Variants in AHI1 observed in about 807,000 individuals in gnomAD.
AHI1 encodes jouberin.
A neutral mutation model predicts 149.3 loss-of-function variants in AHI1; 123 were observed. That is an observed-to-expected ratio of 0.82 (90% CI 0.71 to 0.96). The LOEUF is 0.96. Ranked by LOEUF, AHI1 falls within the 40% of genes least tolerant of loss-of-function variation. The pLI, the probability that AHI1 is intolerant of heterozygous loss-of-function variation, is 0.00. For synonymous variants in AHI1, 475 were observed against 459.8 expected, an observed-to-expected ratio of 1.03 and a Z score of -0.42; for missense variants, 1,439 against 1,422.7, an observed-to-expected ratio of 1.01 and a Z score of -0.18.
intron 23 of AHI1, among the ~76,000 whole-genome samples, chr6:135,387,398 T>C (rs757798800): frequency 6.6e-6 from 1 of 152,224 alleles, no homozygotes; most frequent in Non-Finnish European, 1.5e-5. Context: ...CCATGCCCTG[T>C]AGATTTTGGC....
At chr6:135,385,334 A>G (rs1209520893) in intron 23 of AHI1, among the ~76,000 whole-genome samples, 2 of 152,154 alleles carry the variant, frequency 1.3e-5, no homozygotes, top group African/African-American at 2.4e-5. Flanking sequence ...CTTATAAGAC[A>G]TGGAAGAAAA....
chr6:135,349,041 G>C (rs1174719957), intron 24 of AHI1, among the ~76,000 whole-genome samples: 1 of 152,118 alleles, frequency 6.6e-6, no homozygotes, highest in African/African-American at 2.4e-5. Context: ...AAAATATCCA[G>C]ATAATAGAAA....
At chr6:135,373,467 A>T (rs1325131517) in intron 23 of AHI1, among the ~76,000 whole-genome samples, 3 of 152,222 alleles carry the variant, frequency 2.0e-5, no homozygotes, top group Non-Finnish European at 4.4e-5. Context: ...CGCCACTGTT[A>T]AGCAATGCGT....
At chr6:135,390,032 T>C (rs960750468) in intron 23 of AHI1, among the ~76,000 whole-genome samples, 2 of 152,230 alleles carry the variant, frequency 1.3e-5, no homozygotes, top group African/African-American at 4.8e-5. Flanking sequence ...TTTATTTTTT[T>C]TAAACTCATG....
At chr6:135,480,277 T>A (rs1261739746) in intron 5 of AHI1, among the ~76,000 whole-genome samples, 1 of 152,088 alleles carries the variant, frequency 6.6e-6, no homozygotes, top group East Asian at 1.9e-4. Context: ...GGCAATACAG[T>A]GAGACACTGT....
At chr6:135,301,142 T>C in intron 26 of AHI1, 1 of 984,750 alleles carries the variant, frequency 1.0e-6, no homozygotes. Flanking sequence ...ATTAACTTCA[T>C]ATTAAAGTAT....
chr6:135,303,647 A>C (rs1784174636), intron 26 of AHI1, among the ~76,000 whole-genome samples: 1 of 152,076 alleles, frequency 6.6e-6, no homozygotes, highest in South Asian at 2.1e-4. Flanking sequence ...CAGGAATTGG[A>C]GGCCCAGAGT....
At chr6:135,433,294 A>G (rs1375866028) in intron 15 of AHI1, 38 bp from the exon 16 acceptor site, 1 of 1,445,056 alleles carries the variant, frequency 6.9e-7, no homozygotes, top group Admixed American at 1.9e-5. Flanking sequence ...GCTTCTGAAA[A>G]GCAGAAGTTT....
At chr6:135,385,965 G>C (rs1453212172) in intron 23 of AHI1, among the ~76,000 whole-genome samples, 3 of 152,120 alleles carry the variant, frequency 2.0e-5, no homozygotes, top group Non-Finnish European at 4.4e-5. Flanking sequence ...TGATGTTATA[G>C]CATTTACCAA....
intron 27 of AHI1, among the ~76,000 whole-genome samples, chr6:135,299,117 A>G (rs529340749): frequency 4.8e-4 from 73 of 152,340 alleles, no homozygotes; most frequent in Non-Finnish European, 9.0e-4. Flanking sequence ...GACTGGAACT[A>G]AAAACATATC....
chr6:135,488,307 T>C (rs766825431), intron 5 of AHI1, among the ~76,000 whole-genome samples: 5 of 152,206 alleles, frequency 3.3e-5, no homozygotes, highest in Non-Finnish European at 5.9e-5. Context: ...AATATCTTTC[T>C]ATGTCCTCAT....
At chr6:135,436,359 ACAGTG>A (rs1785400879) in intron 15 of AHI1, among the ~76,000 whole-genome samples, 1 of 152,198 alleles carries the variant, frequency 6.6e-6, no homozygotes, top group Non-Finnish European at 1.5e-5. Flanking sequence ...ATCAATTACT[ACAGTG>A]AAGGCAAGCA....
chr6:135,458,259 C>T (rs1486087595), intron 8 of AHI1, among the ~76,000 whole-genome samples: 1 of 152,118 alleles, frequency 6.6e-6, no homozygotes, highest in East Asian at 1.9e-4. Flanking sequence ...GGGACATTTG[C>T]TGATTCAGGG....
At chr6:135,494,273 T>A (rs1795667274) in intron 3 of AHI1, among the ~76,000 whole-genome samples, 2 of 152,240 alleles carry the variant, frequency 1.3e-5, no homozygotes, top group African/African-American at 4.8e-5. Flanking sequence ...TTGTAAGGGT[T>A]AAATGATTTA....
intron 23 of AHI1, among the ~76,000 whole-genome samples, chr6:135,375,186 C>T (rs188304364): frequency 6.6e-6 from 1 of 151,880 alleles, no homozygotes; most frequent in East Asian, 1.9e-4. Flanking sequence ...CTCCCCAAGA[C>T]AATATATAAA....
intron 26 of AHI1, chr6:135,306,747 T>C (rs1784576299): frequency 6.6e-6 from 1 of 152,174 alleles, no homozygotes; most frequent in Non-Finnish European, 1.5e-5. Context: ...CCACCAGGCC[T>C]GGGGATTGGT....
chr6:135,422,366 A>G lies in AHI1; in HGVS notation c.2764+4801T>C, dbSNP rs1289477804. On this transcript the variant is annotated intron_variant, in intron 20 of 28. Coordinates refer to ENST00000265602, the MANE Select transcript of AHI1 (RefSeq NM_001134831.2). The stretch of plus-strand genomic sequence containing the variant: ...GTTTCTACAAAAAATACACACACGA[A>G]ATTAGTCGAGTATCCTGTGGTCCCA... Among the ~76,000 whole-genome samples the G allele has an allele frequency of 4.0e-5, 6 of 151,846 alleles. No individual in the cohort carries two copies. The East Asian group carries it at 9.7e-4, about 25-fold the overall frequency.
intron 5 of AHI1, among the ~76,000 whole-genome samples, chr6:135,476,903 T>C (rs529163094): frequency 1.3e-5 from 2 of 152,242 alleles, no homozygotes; most frequent in South Asian, 2.1e-4. Flanking sequence ...TTGGGTCTTA[T>C]TTGCCAATCT....
chr6:135,325,968 G>A (rs548156487), intron 24 of AHI1, among the ~76,000 whole-genome samples: 1 of 152,204 alleles, frequency 6.6e-6, no homozygotes, highest in South Asian at 2.1e-4. Flanking sequence ...TACACACAGG[G>A]GTGTCTTGAT....
Sources: gnomAD v4.1 joint callset for allele counts (sites outside exome capture counted in the v4.1 genomes callset) on GRCh38, gnomAD v4.1.1 for gene constraint, MANE v1.5 for transcripts, NCBI Gene and HGNC (gene_info 2026-07-23, HGNC 2026-07-21) for gene names.